TERF1: variants seen among roughly 807,000 people sequenced by gnomAD.
TERF1 encodes the protein telomeric repeat-binding factor 1.
Under a neutral mutation model 55.1 loss-of-function variants are expected in TERF1, and 20 were observed. The ratio of observed to expected loss-of-function variants is 0.36; its 90% CI spans 0.26 to 0.53. TERF1 has a LOEUF of 0.53. TERF1 is among the 20% of genes least tolerant of loss of function. The probability of loss-of-function intolerance (pLI) is 0.91; values close to 1 mark genes in which losing one functional copy is unlikely to be tolerated. For synonymous variants in TERF1, 168 were observed against 181.2 expected (o/e 0.93, Z 0.59); for missense variants, 439 against 535.7 (o/e 0.82, Z 1.78).
intron 2 of TERF1, chr8:73,018,927 T>G (rs1308583213): frequency 6.6e-6 from 1 of 152,208 alleles, no homozygotes; most frequent in Non-Finnish European, 1.5e-5. Flanking sequence ...AAATGAATAA[T>G]GATACAAGAG....
chr8:73,031,885 A>G (rs777092960), intron 7 of TERF1, 157 bp from the exon 8 acceptor site: 10 of 431,566 alleles, frequency 2.3e-5, no homozygotes, highest in Non-Finnish European at 3.3e-5. Flanking sequence ...AAGAGGCCAC[A>G]GGTTAAGATG....
chr8:73,027,421 T>G (rs557555828), intron 6 of TERF1, among the ~76,000 whole-genome samples: 1 of 152,320 alleles, frequency 6.6e-6, no homozygotes, highest in Admixed American at 6.5e-5. Context: ...AAGATATTAT[T>G]CATATATCTT....
intron 7 of TERF1, chr8:73,031,702 G>A (rs888873097): frequency 3.6e-5 from 6 of 164,528 alleles, no homozygotes; most frequent in African/African-American, 1.4e-4. Flanking sequence ...AAGAGAGAAT[G>A]AAAGCTAATA....
chr8:73,013,520 C>T (rs937823137), intron 1 of TERF1, among the ~76,000 whole-genome samples: 4 of 152,152 alleles, frequency 2.6e-5, no homozygotes, highest in African/African-American at 7.2e-5. Context: ...GCTAAACAGA[C>T]TCACTTAACT....
At chr8:73,040,570 TG>T (rs1809793000) in intron 9 of TERF1, among the ~76,000 whole-genome samples, 1 of 152,186 alleles carries the variant, frequency 6.6e-6, no homozygotes, top group East Asian at 1.9e-4. Context: ...TTGAATATGA[TG>T]TACATGTATA....
intron 8 of TERF1, among the ~76,000 whole-genome samples, chr8:73,037,879 T>A (rs1376133736): frequency 2.3e-4 from 28 of 119,250 alleles, no homozygotes; most frequent in Admixed American, 3.6e-4. Flanking sequence ...ATAATATATA[T>A]AAATATGATA....
rs1374491128 is a variant in TERF1 at position 73,047,819 on chromosome 8, T to C, written c.*1682T>C. 2.0e-5 allele frequency: 3 copies of C among 152,340 alleles called. No individual in the cohort carries two copies. Among genetic ancestry groups the C allele is most frequent in the African/African-American group, 7.2e-5 (3 of 41,590 alleles). The allele number at this position is 152,340 out of a possible 1,614,324, so 9.4% of individuals were successfully genotyped here. ...TATTTATTGGAGATATTTTGATGAT[T>C]AGTGCCAAGGCTGGCATCATGAGCC... is the stretch of plus-strand genomic sequence containing the variant. On this transcript the variant is annotated 3_prime_UTR_variant, in exon 10 of 10. Transcript: ENST00000276603.
At chr8:73,037,173 A>C (rs1284181918) in intron 8 of TERF1, among the ~76,000 whole-genome samples, 1 of 78,166 alleles carries the variant, frequency 1.3e-5, no homozygotes, top group African/African-American at 3.9e-5. Flanking sequence ...TTATATTATA[A>C]TATATAATAT....
chr8:73,025,426 A>G (rs1301203326), intron 5 of TERF1, among the ~76,000 whole-genome samples: 2 of 151,960 alleles, frequency 1.3e-5, no homozygotes, highest in African/African-American at 4.8e-5. Context: ...CCTGGGCGAC[A>G]TGGTGAAACC....
At position 73,026,956 on chromosome 8, in the gene TERF1, T is replaced by C; in HGVS notation, c.791T>C (p.Val264Ala). 6.2e-7 allele frequency: 1 copy of C among 1,611,476 alleles called. No individual in the cohort carries two copies. Among genetic ancestry groups the C allele is most frequent in the Non-Finnish European group, 8.5e-7 (1 of 1,179,650 alleles). ...TTTTTTAAGGCAGCGGCAAAAGTAG[T>C]AGAAAGCAAAAGGACAAGAACAATA... ...TFLMKAAAKV[V>A]ESKRTRTITS... Residue 264 changes from valine (V) to alanine (A), a missense_variant, in exon 6 of 10, where the codon GTA (valine) becomes GCA (alanine). Val to Ala is a moderately conservative substitution (Grantham distance 64, BLOSUM62 0). Coordinates refer to ENST00000276603, the MANE Select transcript of TERF1 (RefSeq NM_017489.3).
intron 2 of TERF1, among the ~76,000 whole-genome samples, chr8:73,014,453 T>C (rs1349338191): frequency 2.0e-5 from 3 of 152,130 alleles, no homozygotes; most frequent in Non-Finnish European, 2.9e-5. Flanking sequence ...AACTATTATA[T>C]TTGAAACCTT....
intron 8 of TERF1, 117 bp from the exon 9 acceptor site, chr8:73,038,999 A>G (rs1037649930): frequency 7.2e-6 from 6 of 835,282 alleles, no homozygotes; most frequent in African/African-American, 7.0e-5. Flanking sequence ...AAAGTTAAAC[A>G]TGTACTTTTT....
At position 73,045,028 on chromosome 8, in the gene TERF1, T is replaced by C. The variant is rs530457205; in HGVS notation, c.1144-933T>C. Reference sequence around the variant, plus strand: ...CTTCAGGTCCCTGCTCTCGACTCTTTTAGATATGTACCCAGAAGTGGAATT... The same window carrying C: ...CTTCAGGTCCCTGCTCTCGACTCTTCTAGATATGTACCCAGAAGTGGAATT... On this transcript the variant is annotated intron_variant, in intron 9 of 9. Transcript: ENST00000276603. Among the ~76,000 whole-genome samples, 5 of 152,342 alleles carry C rather than the reference T, an allele frequency of 3.3e-5. No individual in the cohort carries two copies. The Middle Eastern group carries it at 0.01, about 311-fold the overall frequency.
At chr8:73,022,927 G>A (rs1808829476) in intron 4 of TERF1, among the ~76,000 whole-genome samples, 1 of 152,138 alleles carries the variant, frequency 6.6e-6, no homozygotes, top group East Asian at 1.9e-4. Context: ...GAGAGACGCT[G>A]TCTCTAAAAA....
intron 2 of TERF1, among the ~76,000 whole-genome samples, chr8:73,018,744 A>G (rs576611888): frequency 2.0e-4 from 31 of 152,330 alleles, no homozygotes; most frequent in Admixed American, 3.3e-4. Flanking sequence ...CATACTTGCT[A>G]TGGAACTACA....
intron 1 of TERF1, chr8:73,011,895 G>A (rs2129710481): frequency 6.6e-6 from 1 of 151,988 alleles, no homozygotes; most frequent in Admixed American, 6.5e-5. Context: ...TCATTTATGT[G>A]TTCAGTGGAT....
chr8:73,029,580 C>CCGCCTG (rs71300659), intron 6 of TERF1, among the ~76,000 whole-genome samples: 1 of 150,626 alleles, frequency 6.6e-6, no homozygotes, highest in Non-Finnish European at 1.5e-5. Flanking sequence ...CACTGCACTC[C>CCGCCTG]GGTGACCCTC....
intron 6 of TERF1, 89 bp from the exon 7 acceptor site, chr8:73,030,247 T>C (rs751954935): frequency 8.6e-6 from 7 of 810,042 alleles, no homozygotes; most frequent in South Asian, 1.9e-5. Context: ...TTTTTATAAA[T>C]TGAAATATGC....
intron 3 of TERF1, 48 bp downstream of exon 3, chr8:73,020,853 T>C: frequency 8.9e-7 from 1 of 1,127,510 alleles, no homozygotes; most frequent in Non-Finnish European, 1.3e-6. Context: ...GAAAATAACA[T>C]TTAAAAGAAA....
Sources: gnomAD v4.1 joint callset for allele counts (sites outside exome capture counted in the v4.1 genomes callset) on GRCh38, gnomAD v4.1.1 for gene constraint, MANE v1.5 for transcripts, NCBI Gene and HGNC (gene_info 2026-07-23, HGNC 2026-07-21) for gene names.